SPRED3: variants seen among roughly 807,000 people sequenced by gnomAD.
SPRED3 encodes sprouty-related, EVH1 domain-containing protein 3.
A neutral mutation model predicts 37.6 loss-of-function variants in SPRED3; 23 were observed. That is an observed-to-expected ratio of 0.61 (90% CI 0.44 to 0.87). SPRED3 has a LOEUF of 0.87. Among genes scored for constraint, SPRED3 ranks in the 40% least tolerant of loss-of-function variants. The probability of loss-of-function intolerance (pLI) is 0.00; values close to 1 mark genes in which losing one functional copy is unlikely to be tolerated. For missense variants in SPRED3, 584 were observed against 618.6 expected, an observed-to-expected ratio of 0.94 and a Z score of 0.59; for synonymous variants, 302 against 279.6, an observed-to-expected ratio of 1.08 and a Z score of -0.80.
chr19:38,392,264 T>C lies in SPRED3; in HGVS notation c.399T>C (p.Thr133=). 6.3e-7 allele frequency: 1 copy of C among 1,584,724 alleles called. No homozygotes were observed. Among genetic ancestry groups the C allele is most frequent in the Non-Finnish European group, 8.6e-7 (1 of 1,165,718 alleles). ...CCTCCTCCTCTCCTTCCCAGGATACTGCAGAGACCCCCTGCCCTCTGACGG... is the reference window on the plus strand; with the variant it reads ...CCTCCTCCTCTCCTTCCCAGGATACCGCAGAGACCCCCTGCCCTCTGACGG... ...SSSSSSPSQD[T]AETPCPLTSH... The change falls in exon 4 of 6, where the codon ACT becomes ACC. Residue 133 remains threonine, a synonymous_variant. Coordinates refer to ENST00000691638, the MANE Select transcript of SPRED3 (RefSeq NM_001394336.1).
intron 1 of SPRED3, chr19:38,389,705 T>A (rs1258663117): frequency 7.4e-6 from 1 of 135,964 alleles, no homozygotes; most frequent in Non-Finnish European, 1.5e-5. Context: ...TCTCTCCCTG[T>A]TCCCTGCCCA....
At chr19:38,394,424 T>G in intron 4 of SPRED3, 1 of 1,500,372 alleles carries the variant, frequency 6.7e-7, no homozygotes, top group Non-Finnish European at 9.3e-7. Flanking sequence ...TCCTTATGAA[T>G]AGGTACTCTT....
rs1970925694 is a variant in SPRED3 at position 38,398,544 on chromosome 19, CT to C, written c.*2402del. ...AGCCACTGCACCTGGCTCTCTTCCA[CT>C]TTAGAGTGAGAAGTTGCTTCAGGAA... On this transcript the variant is annotated 3_prime_UTR_variant, in exon 6 of 6. Coordinates refer to ENST00000691638, the MANE Select transcript of SPRED3 (RefSeq NM_001394336.1). The C allele has an allele frequency of 6.6e-6, 1 of 152,232 alleles. No homozygotes were observed. Among genetic ancestry groups the C allele is most frequent in the Admixed American group, 6.5e-5 (1 of 15,280 alleles). The allele number at this position is 152,232 out of a possible 1,614,324, so 9.4% of individuals were successfully genotyped here.
rs1198130812 is a variant in SPRED3 at position 38,399,117 on chromosome 19, G to C, written c.*2972G>C. The C allele has an allele frequency of 1.3e-5, 2 of 152,232 alleles. No homozygotes were observed. Among genetic ancestry groups the C allele is most frequent in the African/African-American group, 4.8e-5 (2 of 41,424 alleles). 9.4% of individuals were successfully genotyped at this position (152,232 alleles called of 1,614,324 possible). On this transcript the variant is annotated 3_prime_UTR_variant, in exon 6 of 6. Transcript: ENST00000691638. ...TCTTAACCTACCTCGTTTTGGGGAG[G>C]GGTGGGACGGGGGACCAGAGTGCTG...
intron 4 of SPRED3, among the ~76,000 whole-genome samples, chr19:38,394,008 G>C (rs1051348668): frequency 1.3e-5 from 2 of 152,226 alleles, no homozygotes; most frequent in Non-Finnish European, 2.9e-5. Context: ...TCTGGAATCT[G>C]CACAGTGGTC....
intron 2 of SPRED3, 60 bp from the exon 3 acceptor site, chr19:38,391,886 G>C: frequency 6.3e-7 from 1 of 1,589,378 alleles, no homozygotes; most frequent in Non-Finnish European, 8.6e-7. Context: ...GGTGATGGAC[G>C]AGACGTCACA....
Position 38,396,005 on chromosome 19 carries a change from G to C in SPRED3, c.1093G>C (p.Ala365Pro). Reference protein sequence around the residue: ...ACEPGHPRPAARWAALAALSL... With the variant: ...ACEPGHPRPAPRWAALAALSL... ...CGAGCCGGGCCACCCGCGCCCCGCC[G>C]CGCGCTGGGCCGCGCTGGCCGCGCT... Residue 365 changes from alanine (A) to proline (P), a missense_variant, in exon 6 of 6, where the codon GCG becomes CCG. By Grantham distance (27) the Ala-to-Pro change is conservative (BLOSUM62 -1). Transcript: ENST00000691638. The C allele has an allele frequency of 7.2e-7, 1 of 1,397,878 alleles. No homozygotes were observed. The highest frequency in any genetic ancestry group is 9.2e-7 in the Non-Finnish European group (1 of 1,084,608). The allele number at this position is 1,397,878 out of a possible 1,614,324, so 86.6% of individuals were successfully genotyped here. A position where few individuals can be genotyped will look rare whatever the true frequency, so the allele number is the denominator to read the frequency against.
chr19:38,391,355 T>C (rs900425529), intron 2 of SPRED3, among the ~76,000 whole-genome samples: 6 of 151,082 alleles, frequency 4.0e-5, no homozygotes, highest in Non-Finnish European at 5.9e-5. Context: ...AGAGAGAATA[T>C]TTTTTGGGTA....
intron 4 of SPRED3, chr19:38,392,571 G>A (rs1970846383): frequency 2.8e-6 from 1 of 357,296 alleles, no homozygotes; most frequent in Non-Finnish European, 5.0e-6. Flanking sequence ...TTTCCTCCTG[G>A]AGCTTCTATT....
In SPRED3 at chr19:38,395,364, G is replaced by T; in HGVS notation, c.568-116G>T. ...GTGGGGATTGAGGGACCTTGGGAGA[G>T]AAGCAAGCTGGGGTCTTGAAAATCT... On this transcript the variant is annotated intron_variant, in intron 5 of 5. Transcript: ENST00000691638. The surrounding 1 kb of genome is among the most constrained non-coding windows in gnomAD (Gnocchi z 5.2). 9.6e-7 allele frequency: 1 copy of T among 1,041,292 alleles called. No individual in the cohort carries two copies. Among genetic ancestry groups the T allele is most frequent in the Non-Finnish European group, 1.3e-6 (1 of 767,494 alleles). 64.5% of individuals were successfully genotyped at this position (1,041,292 alleles called of 1,614,324 possible).
At chr19:38,390,561 G>GT (rs1422724174) in intron 2 of SPRED3, 82 bp downstream of exon 2, 133 of 1,145,782 alleles carry the variant, frequency 1.2e-4, no homozygotes, top group Non-Finnish European at 1.4e-4. Flanking sequence ...CAGAGGTCAG[G>GT]TTGCCTCCCA....
Position 38,395,964 on chromosome 19 carries a change from C to G in SPRED3, c.1052C>G (p.Ser351Trp), listed in dbSNP as rs1230980205. ...CTGTCGGACGCCGAGGGCGACTTCT[C>G]GGACCCGTGCGCCTGCGAGCCGGGC... ...HCLSDAEGDF[S>W]DPCACEPGHP... Residue 351 changes from serine to tryptophan, a missense_variant, in exon 6 of 6, where the codon TCG becomes TGG. By Grantham distance (177) the Ser-to-Trp change is radical. Coordinates refer to ENST00000691638, the MANE Select transcript of SPRED3 (RefSeq NM_001394336.1). This position sits in a 1 kb window ranked among gnomAD's most constrained non-coding sequence, Gnocchi z 5.2. 3 of 1,471,398 alleles carry G rather than the reference C, an allele frequency of 2.0e-6. No individual in the cohort carries two copies. The Admixed American group carries it at 7.1e-5, about 35-fold the overall frequency. The allele number at this position is 1,471,398 out of a possible 1,614,324, so 91.1% of individuals were successfully genotyped here.
Position 38,396,146 on chromosome 19 carries a change from G to A in SPRED3, c.*1G>A. The A allele has an allele frequency of 7.9e-7, 1 of 1,270,780 alleles. No individual in the cohort carries two copies. The highest frequency in any genetic ancestry group is 9.9e-7 in the Non-Finnish European group (1 of 1,010,972). The allele number at this position is 1,270,780 out of a possible 1,614,324, so 78.7% of individuals were successfully genotyped here. A position where few individuals can be genotyped will look rare whatever the true frequency, so the allele number is the denominator to read the frequency against. On this transcript the variant is annotated 3_prime_UTR_variant, in exon 6 of 6. Transcript: ENST00000691638. ...TCGCCACGAGGAGGCTGCGCGGTGA[G>A]GACGGCCTGGTGGGTCCCCTAGCCG... is the stretch of plus-strand genomic sequence containing the variant.
At chr19:38,390,737 A>C (rs1305618848) in intron 2 of SPRED3, among the ~76,000 whole-genome samples, 4 of 119,888 alleles carry the variant, frequency 3.3e-5, no homozygotes, top group Admixed American at 1.8e-4. Flanking sequence ...CCCCGCTCCA[A>C]CCCCAGGCTG....
At chr19:38,390,625 A>G in intron 2 of SPRED3, 146 bp downstream of exon 2, 2 of 631,422 alleles carry the variant, frequency 3.2e-6, no homozygotes, top group Non-Finnish European at 4.7e-6. Flanking sequence ...TGTCCTGTAG[A>G]TAAGAGTTGG....
intron 4 of SPRED3, among the ~76,000 whole-genome samples, chr19:38,393,037 C>T (rs1050462105): frequency 1.3e-5 from 2 of 152,212 alleles, no homozygotes; most frequent in Admixed American, 6.5e-5. Context: ...TGTCTGGCCC[C>T]CTCACTTACT....
Position 38,395,978 on chromosome 19 carries a change from T to C in SPRED3, c.1066T>C (p.Cys356Arg). ...AEGDFSDPCACEPGHPRPAAR... is the reference protein window; with the variant it reads ...AEGDFSDPCAREPGHPRPAAR... ...GGGCGACTTCTCGGACCCGTGCGCC[T>C]GCGAGCCGGGCCACCCGCGCCCCGC... The change falls in exon 6 of 6, where the codon TGC (cysteine) becomes CGC (arginine). Residue 356 changes from cysteine to arginine, a missense_variant. Coordinates refer to ENST00000691638, the MANE Select transcript of SPRED3 (RefSeq NM_001394336.1). The surrounding 1 kb of genome is among the most constrained non-coding windows in gnomAD (Gnocchi z 5.2). 6.9e-7 allele frequency: 1 copy of C among 1,449,988 alleles called. No individual in the cohort carries two copies. The highest frequency in any genetic ancestry group is 3.0e-5 in the East Asian group (1 of 33,052). The allele number at this position is 1,449,988 out of a possible 1,614,324, so 89.8% of individuals were successfully genotyped here.
chr19:38,394,657 C>T lies in SPRED3; in HGVS notation c.438C>T (p.Ser146=). ...TPCPLTSHVD[S]DSSSSHSRQE... ...ATCTCCTCCAGTCCCACGTGGACAGCGACTCCTCCTCCAGTCACAGCCGCC... is the reference window on the plus strand; with the variant it reads ...ATCTCCTCCAGTCCCACGTGGACAGTGACTCCTCCTCCAGTCACAGCCGCC... The change falls in exon 5 of 6, where the codon AGC becomes AGT. Residue 146 remains serine (S), a synonymous_variant. Coordinates refer to ENST00000691638, the MANE Select transcript of SPRED3 (RefSeq NM_001394336.1). 6.3e-7 allele frequency: 1 copy of T among 1,597,158 alleles called. No homozygotes were observed.
chr19:38,389,049 C>G (rs1292233196), intron 1 of SPRED3, among the ~76,000 whole-genome samples: 1 of 152,174 alleles, frequency 6.6e-6, no homozygotes, highest in African/African-American at 2.4e-5. Context: ...GGACCCTCAC[C>G]GTTGAGGAAC....
Sources: allele counts gnomAD v4.1 joint callset (sites outside exome capture counted in the v4.1 genomes callset), GRCh38; gene constraint gnomAD v4.1.1; non-coding constraint Gnocchi (gnomAD v3.1); transcripts MANE v1.5; gene names NCBI Gene and HGNC (gene_info 2026-07-23, HGNC 2026-07-21).